Variants in SHE observed in about 807,000 individuals in gnomAD.
SHE encodes SH2 domain-containing adapter protein E.
Under a neutral mutation model 49.8 loss-of-function variants are expected in SHE, and 11 were observed. The observed-to-expected ratio is 0.22, with a 90% confidence interval of 0.14 to 0.37. The LOEUF is 0.37. Among genes scored for constraint, SHE ranks in the 10% least tolerant of loss-of-function variants. The pLI is 1.00. For missense variants in SHE, 624 were observed against 655.5 expected, an observed-to-expected ratio of 0.95 and a Z score of 0.52; for synonymous variants, 310 against 278.1, an observed-to-expected ratio of 1.11 and a Z score of -1.14.
downstream of SHE, among the ~76,000 whole-genome samples, chr1:154,476,534 T>A (rs553179009): frequency 2.0e-5 from 3 of 151,914 alleles, no homozygotes; most frequent in South Asian, 6.2e-4. Context: ...TCCCAGCTAC[T>A]CAGGAGGCTG....
Position 154,471,998 on chromosome 1 carries a change from C to T in SHE, c.103-1636G>A, listed in dbSNP as rs534346903. Among the ~76,000 whole-genome samples the T allele has an allele frequency of 3.9e-5, 6 of 152,130 alleles. No individual in the cohort carries two copies. The South Asian group carries it at 1.0e-3, about 26-fold the overall frequency. ...GACCAGCCTGGCCAACATGGTGAAA[C>T]CCCATCTCTACTCAAAATACAAAAA... is the stretch of plus-strand genomic sequence containing the variant. On this transcript the variant is annotated intron_variant, in intron 1 of 1. Coordinates refer to the SHE transcript ENST00000486773.
In SHE at chr1:154,483,737, A is replaced by G. The variant is rs1692084686; in HGVS notation, c.*412T>C. ...CCGGGTGCAGTGGCTCATGCCTGTA[A>G]TCCAGGCACTCGGGGAGACTGAGGT... On this transcript the variant is annotated 3_prime_UTR_variant, in exon 6 of 6. Coordinates refer to ENST00000304760, the MANE Select transcript of SHE (RefSeq NM_001010846.3). 2.0e-6 allele frequency: 2 copies of G among 998,286 alleles called. No individual in the cohort carries two copies. The highest frequency in any genetic ancestry group is 8.9e-5 in the South Asian group (2 of 22,514). 61.8% of individuals were successfully genotyped at this position (998,286 alleles called of 1,614,324 possible).
At position 154,479,751 on chromosome 1, in the gene SHE, C is replaced by A. The variant is rs947383388; in HGVS notation, c.*4398G>T. ...ACTTGACAAAATGAGACGCCTGTTT[C>A]AATGATTCTGTTGCCAGCATATTAA... is the stretch of plus-strand genomic sequence containing the variant. On this transcript the variant is annotated 3_prime_UTR_variant, in exon 6 of 6. Transcript: ENST00000304760. 6.1e-6 allele frequency: 6 copies of A among 985,264 alleles called. No individual in the cohort carries two copies. The African/African-American group carries it at 8.7e-5, about 14-fold the overall frequency. 61.0% of individuals were successfully genotyped at this position (985,264 alleles called of 1,614,324 possible). A position where few individuals can be genotyped will look rare whatever the true frequency, so the allele number is the denominator to read the frequency against.
At position 154,483,787 on chromosome 1, in the gene SHE, T is replaced by G; in HGVS notation, c.*362A>C. The G allele has an allele frequency of 1.1e-6, 1 of 951,542 alleles. No homozygotes were observed. The highest frequency in any genetic ancestry group is 1.3e-6 in the Non-Finnish European group (1 of 788,844). The allele number at this position is 951,542 out of a possible 1,614,324, so 58.9% of individuals were successfully genotyped here. A position where few individuals can be genotyped will look rare whatever the true frequency, so the allele number is the denominator to read the frequency against. ...TGGGTGGATCATTTGAGGTCAGGAG[T>G]TTGAGACCAGCCTGACGAAGACGGC... On this transcript the variant is annotated 3_prime_UTR_variant, in exon 6 of 6. Coordinates refer to ENST00000304760, the MANE Select transcript of SHE (RefSeq NM_001010846.3).
In SHE at chr1:154,489,110, G is replaced by GCGGGCCTCT; in HGVS notation, c.956_964dup (p.Glu319_Pro321dup). 1 of 1,612,938 alleles carries GCGGGCCTCT rather than the reference G, an allele frequency of 6.2e-7. No homozygotes were observed. The highest frequency in any genetic ancestry group is 8.5e-7 in the Non-Finnish European group (1 of 1,179,268). On this transcript the variant is annotated inframe_insertion, in exon 3 of 6. Coordinates refer to ENST00000304760, the MANE Select transcript of SHE (RefSeq NM_001010846.3). ...CTCCCATGGCTGCTCGTACTCTGCCGCGGGCCTCTCGTCGTTCTCGGGCAG... is the reference window on the plus strand; with the variant it reads ...CTCCCATGGCTGCTCGTACTCTGCCGCGGGCCTCTCGGGCCTCTCGTCGTTCTCGGGCAG...
intron 2 of SHE, 134 bp downstream of exon 2, chr1:154,498,978 T>G: frequency 8.6e-7 from 1 of 1,162,460 alleles, no homozygotes; most frequent in Non-Finnish European, 1.2e-6. Flanking sequence ...TGGGGTCTAA[T>G]TTCTGTTTCT....
intron 2 of SHE, among the ~76,000 whole-genome samples, chr1:154,494,226 A>C (rs548171261): frequency 6.6e-6 from 1 of 152,316 alleles, no homozygotes; most frequent in Non-Finnish European, 1.5e-5. Flanking sequence ...AATAAATCTA[A>C]ACATCTGAAC....
Position 154,481,826 on chromosome 1 carries a change from T to C in SHE, c.*2323A>G, listed in dbSNP as rs1016914701. The C allele has an allele frequency of 7.2e-6, 7 of 973,228 alleles. No individual in the cohort carries two copies. The highest frequency in any genetic ancestry group is 1.2e-4 in the Admixed American group (2 of 16,240). 60.3% of individuals were successfully genotyped at this position (973,228 alleles called of 1,614,324 possible). On this transcript the variant is annotated 3_prime_UTR_variant, in exon 6 of 6. Coordinates refer to ENST00000304760, the MANE Select transcript of SHE (RefSeq NM_001010846.3). ...ACACTGAAAACATTCTATCAGTATC[T>C]GAAAAAAACATTCCTTTTGGTTTTT... is the stretch of plus-strand genomic sequence containing the variant.
chr1:154,474,166 G>A (rs796349620), intron 1 of SHE, among the ~76,000 whole-genome samples: 10 of 152,368 alleles, frequency 6.6e-5, no homozygotes, highest in African/African-American at 2.4e-4. Flanking sequence ...ACCCCGGGAG[G>A]AGATGGACCT....
chr1:154,489,537 A>G (rs1414229073), intron 2 of SHE, among the ~76,000 whole-genome samples, 181 bp from the exon 3 acceptor site: 1 of 152,204 alleles, frequency 6.6e-6, no homozygotes, highest in Non-Finnish European at 1.5e-5. Context: ...CTGTGTTACA[A>G]AAGCAAAATG....
chr1:154,474,058 G>A (rs1189641528), intron 1 of SHE, among the ~76,000 whole-genome samples: 1 of 152,200 alleles, frequency 6.6e-6, no homozygotes, highest in East Asian at 1.9e-4. Context: ...TGGGGCTCCG[G>A]CCCCCAGCCA....
In SHE at chr1:154,482,612, A is replaced by C. The variant is rs562155466; in HGVS notation, c.*1537T>G. 247 of 985,340 alleles carry C rather than the reference A, an allele frequency of 2.5e-4. 1 individual carries two copies. Among genetic ancestry groups the C allele is most frequent in the Non-Finnish European group, 2.9e-4 (239 of 829,950 alleles). The allele number at this position is 985,340 out of a possible 1,614,324, so 61.0% of individuals were successfully genotyped here. A position where few individuals can be genotyped will look rare whatever the true frequency, so the allele number is the denominator to read the frequency against. On this transcript the variant is annotated 3_prime_UTR_variant, in exon 6 of 6. Transcript: ENST00000304760. Reference sequence around the variant, plus strand: ...TTTTGAGACCCAAATGACCAACCCCAGAATACAGACACATCTGCTGAATTT... The same window carrying C: ...TTTTGAGACCCAAATGACCAACCCCCGAATACAGACACATCTGCTGAATTT...
At position 154,481,420 on chromosome 1, in the gene SHE, T is replaced by C; in HGVS notation, c.*2729A>G. ...TTTTAATTCTATAAAGAATATAGTA[T>C]GACTTGTCACAGAGAAACAGTATAG... On this transcript the variant is annotated 3_prime_UTR_variant, in exon 6 of 6. Coordinates refer to ENST00000304760, the MANE Select transcript of SHE (RefSeq NM_001010846.3). The C allele has an allele frequency of 1.0e-6, 1 of 985,468 alleles. No homozygotes were observed. The highest frequency in any genetic ancestry group is 1.2e-6 in the Non-Finnish European group (1 of 829,934). 61.0% of individuals were successfully genotyped at this position (985,468 alleles called of 1,614,324 possible).
intron 5 of SHE, chr1:154,484,880 A>T (rs1692123737): frequency 6.6e-6 from 1 of 151,636 alleles, no homozygotes; most frequent in African/African-American, 2.4e-5. Flanking sequence ...CAGGAGAATC[A>T]CTTGAACCCA....
At chr1:154,498,907 T>C (rs1278654781) in intron 2 of SHE, among the ~76,000 whole-genome samples, 1 of 152,178 alleles carries the variant, frequency 6.6e-6, no homozygotes, top group Non-Finnish European at 1.5e-5. Flanking sequence ...TCCTGTAAAT[T>C]CTAAAACTCT....
chr1:154,479,651 C>G lies in SHE; in HGVS notation c.*4498G>C, dbSNP rs1571040164. ...ACCTATATTACATACAATCTTCAAA[C>G]ATTTTTAAAAGTTGAAACTATGTAT... On this transcript the variant is annotated 3_prime_UTR_variant, in exon 6 of 6. Transcript: ENST00000304760. 1.0e-6 allele frequency: 1 copy of G among 972,800 alleles called. No individual in the cohort carries two copies. Among genetic ancestry groups the G allele is most frequent in the Non-Finnish European group, 1.2e-6 (1 of 818,628 alleles). The allele number at this position is 972,800 out of a possible 1,614,324, so 60.3% of individuals were successfully genotyped here.
At chr1:154,488,750 C>A (rs1028567232) in intron 3 of SHE, among the ~76,000 whole-genome samples, 1 of 151,920 alleles carries the variant, frequency 6.6e-6, no homozygotes, top group Non-Finnish European at 1.5e-5. Flanking sequence ...CCAGACCCAG[C>A]TCATTTTTGT....
chr1:154,488,609 CAG>C (rs555603754), intron 3 of SHE, among the ~76,000 whole-genome samples: 126 of 151,910 alleles, frequency 8.3e-4, no homozygotes, highest in Admixed American at 2.6e-3. Context: ...TTTTTTGAGA[CAG>C]AGTCTCGCTC....
At chr1:154,487,523 G>C (rs1692217433) in intron 3 of SHE, among the ~76,000 whole-genome samples, 1 of 151,938 alleles carries the variant, frequency 6.6e-6, no homozygotes, top group African/African-American at 2.4e-5. Flanking sequence ...GCACAGGACT[G>C]AGCAGGTACC....
Sources: gnomAD v4.1 joint callset for allele counts (sites outside exome capture counted in the v4.1 genomes callset) on GRCh38, gnomAD v4.1.1 for gene constraint, MANE v1.5 for transcripts, NCBI Gene and HGNC (gene_info 2026-07-23, HGNC 2026-07-21) for gene names.